Variants in RAB3IP observed in about 807,000 individuals in gnomAD.
The protein encoded by RAB3IP is rab-3A-interacting protein.
In RAB3IP, 36 loss-of-function variants were observed where a neutral mutation model predicts 59.1. The observed-to-expected ratio is 0.61, with a 90% confidence interval of 0.47 to 0.80. RAB3IP has a LOEUF of 0.80. RAB3IP is among the 30% of genes least tolerant of loss of function. The pLI is 0.00. For synonymous variants in RAB3IP, 207 were observed against 191.2 expected (o/e 1.08, Z -0.68); for missense variants, 511 against 536.0 (o/e 0.95, Z 0.46).
intron 2 of RAB3IP, 61 bp downstream of exon 2, chr12:69,755,720 T>C: frequency 7.2e-7 from 1 of 1,395,400 alleles, no homozygotes; most frequent in Non-Finnish European, 9.8e-7. Context: ...GCTTAGTTAC[T>C]ATATTTTAAG....
intron 1 of RAB3IP, among the ~76,000 whole-genome samples, chr12:69,745,630 A>G (rs573277728): frequency 6.6e-6 from 1 of 152,372 alleles, no homozygotes; most frequent in East Asian, 1.9e-4. Context: ...GGGTTCAGAG[A>G]TTAAACATTA....
At position 69,820,861 on chromosome 12, in the gene RAB3IP, A is replaced by AAC. The variant is rs1343448854; in HGVS notation, c.*5416_*5417insCA. On this transcript the variant is annotated 3_prime_UTR_variant, in exon 11 of 11. Transcript: ENST00000247833. Reference sequence around the variant, plus strand: ...CAACAAGAGTGAAACTCCGTCTGAAAAAAAAAAAAAAAAACCCAAACTCAA... The same window carrying AAC: ...CAACAAGAGTGAAACTCCGTCTGAAAACAAAAAAAAAAAAAACCCAAACTCAA... 3.3e-5 allele frequency: 5 copies of AAC among 151,396 alleles called. No individual in the cohort carries two copies. Among genetic ancestry groups the AAC allele is most frequent in the Non-Finnish European group, 4.4e-5 (3 of 67,930 alleles). The allele number at this position is 151,396 out of a possible 1,614,324, so 9.4% of individuals were successfully genotyped here. A position where few individuals can be genotyped will look rare whatever the true frequency, so the allele number is the denominator to read the frequency against.
At chr12:69,759,003 T>A (rs933831340) in intron 3 of RAB3IP, among the ~76,000 whole-genome samples, 2 of 143,138 alleles carry the variant, frequency 1.4e-5, no homozygotes, top group African/African-American at 5.2e-5. Context: ...TTTTTTTTTT[T>A]AATTGATCAT....
At chr12:69,799,177 G>A (rs2136241730) in intron 6 of RAB3IP, among the ~76,000 whole-genome samples, 1 of 152,280 alleles carries the variant, frequency 6.6e-6, no homozygotes, top group African/African-American at 2.4e-5. Flanking sequence ...TCTGTAGGAA[G>A]GCTTGGCTAC....
intron 1 of RAB3IP, 149 bp from the exon 2 acceptor site, chr12:69,755,235 T>C (rs74371230): frequency 7.3e-6 from 5 of 680,964 alleles, no homozygotes; most frequent in African/African-American, 7.2e-5. Context: ...TATACCACCA[T>C]GTGATTGTGG....
In RAB3IP at chr12:69,756,679, T is replaced by G; in HGVS notation, c.510+16T>G. The G allele has an allele frequency of 6.3e-7, 1 of 1,596,978 alleles. No individual in the cohort carries two copies. Among genetic ancestry groups the G allele is most frequent in the Non-Finnish European group, 8.5e-7 (1 of 1,170,096 alleles). On this transcript the variant is annotated intron_variant, in intron 3 of 10. Coordinates refer to ENST00000247833, the MANE Select transcript of RAB3IP (RefSeq NM_022456.5). The stretch of plus-strand genomic sequence containing the variant: ...AGCTCAGAGGGTAAGAAAGAAGATA[T>G]TTTATTCTTCCATATATTATATTAG...
chr12:69,820,724 G>A lies in RAB3IP; in HGVS notation c.*5278G>A, dbSNP rs990951643. ...AAACACAAAATTAGTCAGGTGTGATGGCGCATGCCTGTAATCCCAGCTACT... is the reference window on the plus strand; with the variant it reads ...AAACACAAAATTAGTCAGGTGTGATAGCGCATGCCTGTAATCCCAGCTACT... On this transcript the variant is annotated 3_prime_UTR_variant, in exon 11 of 11. Transcript: ENST00000247833. 6.6e-6 allele frequency: 1 copy of A among 152,044 alleles called. No individual in the cohort carries two copies. Among genetic ancestry groups the A allele is most frequent in the Non-Finnish European group, 1.5e-5 (1 of 68,094 alleles). 9.4% of individuals were successfully genotyped at this position (152,044 alleles called of 1,614,324 possible).
In RAB3IP at chr12:69,813,003, A is replaced by G; in HGVS notation, c.1270A>G (p.Ile424Val). 1.3e-5 allele frequency: 21 copies of G among 1,613,432 alleles called. No homozygotes were observed. Among genetic ancestry groups the G allele is most frequent in the Non-Finnish European group, 1.8e-5 (21 of 1,179,538 alleles). Residue 424 changes from isoleucine to valine, a missense_variant, in exon 10 of 11, where the codon ATT becomes GTT. Coordinates refer to ENST00000247833, the MANE Select transcript of RAB3IP (RefSeq NM_022456.5). ...VCNFFTYIRY[I>V]QQGLVKQQDV... ...TAACTTTTTTACATACATTCGATAC[A>G]TTCAGCAGGGACTCGTGAAACAGCA...
chr12:69,803,756 T>C (rs1878772137), intron 8 of RAB3IP, among the ~76,000 whole-genome samples: 1 of 152,170 alleles, frequency 6.6e-6, no homozygotes. Context: ...TGTTTGGTTT[T>C]TTTGTCCTTG....
chr12:69,748,332 T>C (rs1006024376), intron 1 of RAB3IP, among the ~76,000 whole-genome samples: 1 of 152,214 alleles, frequency 6.6e-6, no homozygotes, highest in African/African-American at 2.4e-5. Flanking sequence ...CAAGAAACAT[T>C]TTAAAAATTC....
rs558121217 is a variant in RAB3IP, at chr12:69,759,462, C to T, written c.510+2799C>T. On this transcript the variant is annotated intron_variant, in intron 3 of 10. Transcript: ENST00000247833. ...CCCCTTTTCTATTCCACAAAACCGC[C>T]ATCGTCATCATGGCCCGTTCTCAAT... Among the ~76,000 whole-genome samples the T allele has an allele frequency of 5.9e-5, 9 of 152,088 alleles. No individual in the cohort carries two copies. In the East Asian group the frequency reaches 1.7e-3, roughly 30 times the overall value.
intron 3 of RAB3IP, among the ~76,000 whole-genome samples, chr12:69,769,889 T>G (rs1187529158): frequency 6.6e-6 from 1 of 152,232 alleles, no homozygotes; most frequent in African/African-American, 2.4e-5. Context: ...CATTTATCAT[T>G]GCCTTCTTGT....
intron 3 of RAB3IP, among the ~76,000 whole-genome samples, chr12:69,772,967 T>C (rs1389502733): frequency 6.6e-6 from 1 of 152,208 alleles, no homozygotes; most frequent in Non-Finnish European, 1.5e-5. Context: ...TTAGCATTTC[T>C]TGTAAGATAA....
intron 1 of RAB3IP, chr12:69,739,469 T>A (rs113573779): frequency 5.6e-4 from 123 of 219,782 alleles, no homozygotes; most frequent in African/African-American, 2.7e-3. Flanking sequence ...GAAGAGAGAG[T>A]TCCCGAACAA....
chr12:69,760,659 A>G (rs1871166057), intron 3 of RAB3IP, among the ~76,000 whole-genome samples: 4 of 149,130 alleles, frequency 2.7e-5, no homozygotes, highest in African/African-American at 9.8e-5. Flanking sequence ...TTTGAAAGAT[A>G]TTTTCACTGA....
intron 1 of RAB3IP, among the ~76,000 whole-genome samples, chr12:69,747,367 T>C (rs760029891): frequency 6.6e-6 from 1 of 151,760 alleles, no homozygotes; most frequent in Non-Finnish European, 1.5e-5. Context: ...TCTCTGTTGC[T>C]CAGGCTGGAG....
At chr12:69,783,992 A>T (rs1434960645) in intron 3 of RAB3IP, among the ~76,000 whole-genome samples, 1 of 152,194 alleles carries the variant, frequency 6.6e-6, no homozygotes, top group East Asian at 1.9e-4. Context: ...TTATTTTATT[A>T]GTTTAATTGT....
At chr12:69,746,378 T>C (rs1217739163) in intron 1 of RAB3IP, among the ~76,000 whole-genome samples, 1 of 152,218 alleles carries the variant, frequency 6.6e-6, no homozygotes, top group Non-Finnish European at 1.5e-5. Flanking sequence ...AGACCCTTAT[T>C]CCCTGACTGT....
At chr12:69,788,551 TA>T (rs1185346146) in intron 4 of RAB3IP, among the ~76,000 whole-genome samples, 1 of 152,138 alleles carries the variant, frequency 6.6e-6, no homozygotes, top group Non-Finnish European at 1.5e-5. Flanking sequence ...TCAAAGCACC[TA>T]AATGTGTAAA....
Sources: gnomAD v4.1 joint callset for allele counts (sites outside exome capture counted in the v4.1 genomes callset) on GRCh38, gnomAD v4.1.1 for gene constraint, MANE v1.5 for transcripts, NCBI Gene and HGNC (gene_info 2026-07-23, HGNC 2026-07-21) for gene names.